The following FRMD5 variants were observed in gnomAD, a reference collection of about 807,000 sequenced individuals.
FRMD5 encodes FERM domain containing 5, also known as FERM domain-containing protein 5.
A neutral mutation model predicts 69.0 loss-of-function variants in FRMD5; 20 were observed. That is an observed-to-expected ratio of 0.29 (90% CI 0.20 to 0.42). FRMD5 has a LOEUF of 0.42. FRMD5 is among the 10% of genes least tolerant of loss of function. FRMD5 has a pLI of 1.00. For missense variants in FRMD5, 595 were observed against 708.6 expected (o/e 0.84, Z 1.82); for synonymous variants, 271 against 260.1 (o/e 1.04, Z -0.40).
chr15:43,931,963 C>T (rs2140466802), intron 1 of FRMD5, among the ~76,000 whole-genome samples: 1 of 152,302 alleles, frequency 6.6e-6, no homozygotes, highest in African/African-American at 2.4e-5. Context: ...ACTAAGTAGA[C>T]TTAGAGTCAA....
intron 1 of FRMD5, among the ~76,000 whole-genome samples, chr15:44,113,433 G>A (rs2076826750): frequency 2.0e-5 from 3 of 152,012 alleles, no homozygotes; most frequent in African/African-American, 7.3e-5. Context: ...TATATTTATG[G>A]GGTATATGAG....
At chr15:44,136,414 A>T (rs187164575) in intron 1 of FRMD5, among the ~76,000 whole-genome samples, 11 of 151,612 alleles carry the variant, frequency 7.3e-5, no homozygotes, top group Admixed American at 5.9e-4. Flanking sequence ...AGATGGCTAG[A>T]GTTAATATTT....
chr15:43,967,631 C>G (rs1184174055), intron 1 of FRMD5, among the ~76,000 whole-genome samples: 1 of 152,212 alleles, frequency 6.6e-6, no homozygotes, highest in Admixed American at 6.5e-5. Context: ...GTTTAAAGAC[C>G]TGTGGTAACT....
intron 13 of FRMD5, among the ~76,000 whole-genome samples, chr15:43,875,364 AT>A (rs61379507): frequency 0.39 from 29,341 of 74,696 alleles, 5,117 homozygotes; most frequent in South Asian, 0.5. Flanking sequence ...AAAAAAAAAA[AT>A]ATATATATAT....
chr15:44,037,099 C>G (rs1240021804), intron 1 of FRMD5, among the ~76,000 whole-genome samples: 2 of 152,066 alleles, frequency 1.3e-5, no homozygotes, highest in Admixed American at 6.6e-5. Flanking sequence ...AGCCTGTCAA[C>G]TACATTAGGT....
intron 1 of FRMD5, among the ~76,000 whole-genome samples, chr15:44,129,151 T>C (rs774083624): frequency 5.3e-5 from 8 of 152,078 alleles, no homozygotes; most frequent in Non-Finnish European, 1.2e-4. Flanking sequence ...ATTGGAAACA[T>C]GTACAGAAAG....
chr15:44,187,439 TC>T (rs1473079922), intron 1 of FRMD5, among the ~76,000 whole-genome samples: 1 of 152,202 alleles, frequency 6.6e-6, no homozygotes, highest in Non-Finnish European at 1.5e-5. Context: ...CCAGAGTAAG[TC>T]AGATAAACAT....
chr15:43,966,244 T>C (rs1277945728), intron 1 of FRMD5, among the ~76,000 whole-genome samples: 1 of 151,708 alleles, frequency 6.6e-6, no homozygotes, highest in Non-Finnish European at 1.5e-5. Flanking sequence ...TGGTGGTGCA[T>C]GCCTGTAGTC....
At chr15:44,116,241 A>G (rs1045138962) in intron 1 of FRMD5, among the ~76,000 whole-genome samples, 3 of 150,498 alleles carry the variant, frequency 2.0e-5, no homozygotes, top group Non-Finnish European at 3.0e-5. Flanking sequence ...AGAGAGAGAG[A>G]GGGAGAGTTT....
chr15:44,098,120 A>AACAAAAAAC (rs2076580929), intron 1 of FRMD5, among the ~76,000 whole-genome samples: 1 of 142,246 alleles, frequency 7.0e-6, no homozygotes, highest in Admixed American at 7.1e-5. Flanking sequence ...CAAAACAAAA[A>AACAAAAAAC]AAAAAAAACT....
At chr15:44,100,796 T>A (rs761594941) in intron 1 of FRMD5, among the ~76,000 whole-genome samples, 3 of 152,170 alleles carry the variant, frequency 2.0e-5, no homozygotes, top group Non-Finnish European at 4.4e-5. Context: ...TTTTCTGAAT[T>A]CTTTTTATTC....
chr15:43,911,778 T>C (rs998387543), intron 4 of FRMD5, among the ~76,000 whole-genome samples: 5 of 152,160 alleles, frequency 3.3e-5, no homozygotes, highest in South Asian at 2.1e-4. Flanking sequence ...GAGGTTTCCA[T>C]TGTTTCTGTT....
intron 1 of FRMD5, among the ~76,000 whole-genome samples, chr15:44,047,134 C>T (rs1892461865): frequency 6.6e-6 from 1 of 152,156 alleles, no homozygotes; most frequent in Admixed American, 6.5e-5. Flanking sequence ...TGGTGAAACC[C>T]TGTCTTTACT....
intron 1 of FRMD5, among the ~76,000 whole-genome samples, chr15:43,929,363 T>C (rs2089637384): frequency 6.6e-6 from 1 of 152,226 alleles, no homozygotes; most frequent in Admixed American, 6.5e-5. Flanking sequence ...CTCTCTGGCA[T>C]GCAGCATCCT....
At chr15:43,875,361 A>ATAT (rs1453890929) in intron 13 of FRMD5, among the ~76,000 whole-genome samples, 4 of 104,326 alleles carry the variant, frequency 3.8e-5, no homozygotes, top group East Asian at 3.5e-4. Flanking sequence ...AAAAAAAAAA[A>ATAT]AAATATATAT....
chr15:43,988,547 T>A (rs541275724), intron 1 of FRMD5, among the ~76,000 whole-genome samples: 5 of 151,902 alleles, frequency 3.3e-5, no homozygotes, highest in Admixed American at 6.6e-5. Context: ...CTCCACCCAC[T>A]CCCAACTCCC....
intron 1 of FRMD5, among the ~76,000 whole-genome samples, chr15:44,095,460 C>T (rs184492370): frequency 8.5e-5 from 13 of 152,250 alleles, no homozygotes; most frequent in African/African-American, 2.9e-4. Context: ...CCACCTTGGC[C>T]TCCCAAAGTA....
chr15:44,081,555 T>C (rs1893995971), intron 1 of FRMD5, among the ~76,000 whole-genome samples: 1 of 152,104 alleles, frequency 6.6e-6, no homozygotes, highest in Non-Finnish European at 1.5e-5. Flanking sequence ...TATGGTCCAG[T>C]CGTTTACTTA....
intron 1 of FRMD5, among the ~76,000 whole-genome samples, chr15:44,018,592 G>A (rs6493094): frequency 0.86 from 130,266 of 152,180 alleles, 57,429 homozygotes; most frequent in Non-Finnish European, 0.95. Context: ...CAGTCCACAG[G>A]CACAGGTCTG....
Sources: gnomAD v4.1 joint callset for allele counts (sites outside exome capture counted in the v4.1 genomes callset) on GRCh38, gnomAD v4.1.1 for gene constraint, MANE v1.5 for transcripts, NCBI Gene and HGNC (gene_info 2026-07-23, HGNC 2026-07-21) for gene names.